ACAN: variants seen among roughly 807,000 people sequenced by gnomAD.
The protein encoded by ACAN is aggrecan core protein.
ACAN carries 47 observed loss-of-function variants against 169.1 expected under a neutral mutation model. The ratio of observed to expected loss-of-function variants is 0.28; its 90% CI spans 0.22 to 0.35. The LOEUF (loss-of-function observed/expected upper bound fraction) is 0.35, where lower values mean the gene tolerates loss of function less well. Ranked by LOEUF, ACAN falls within the 10% of genes least tolerant of loss-of-function variation. The probability of loss-of-function intolerance (pLI) is 1.00; values close to 1 mark genes in which losing one functional copy is unlikely to be tolerated. For synonymous variants in ACAN, 1,115 were observed against 1,112.2 expected, an observed-to-expected ratio of 1.00 and a Z score of -0.05; for missense variants, 2,716 against 2,759.9, an observed-to-expected ratio of 0.98 and a Z score of 0.36.
rs758371121 is a variant in ACAN, at chr15:88,840,016, C to G, written c.459C>G (p.Ile153Met). Residue 153 changes from isoleucine (I) to methionine (M), a missense_variant, in exon 4 of 19, where the codon ATC (isoleucine) becomes ATG (methionine). By Grantham distance (10) the Ile-to-Met change is conservative (BLOSUM62 1). This residue lies in a region of ACAN where 1,283 missense variants were observed against 1,281.5 expected (regional missense o/e 1.00). Transcript: ENST00000560601. ...EATLEVVVKG[I>M]VFHYRAISTR... ...GGGCGTGTATGTGTCTTGCAGGCAT[C>G]GTGTTCCATTACAGAGCCATCTCTA... The G allele has an allele frequency of 2.5e-6, 4 of 1,598,380 alleles. No individual in the cohort carries two copies. The highest frequency in any genetic ancestry group is 2.3e-5 in the South Asian group (2 of 88,220).
At position 88,870,922 on chromosome 15, in the gene ACAN, G is replaced by A. The variant is rs547903861; in HGVS notation, c.7061-460G>A. Among the ~76,000 whole-genome samples the A allele has an allele frequency of 9.2e-5, 14 of 152,196 alleles. No individual in the cohort carries two copies. Among genetic ancestry groups the A allele is most frequent in the South Asian group, 4.1e-4 (2 of 4,824 alleles). ...CTGCAGGAAGGAAACTGCCAGCTCC[G>A]CTCCATGCCCCAGCGCTACCAGCTT... On this transcript the variant is annotated intron_variant, in intron 14 of 18. Coordinates refer to ENST00000560601, the MANE Select transcript of ACAN (RefSeq NM_001369268.1). The surrounding 1 kb of genome is among the most constrained non-coding windows in gnomAD (Gnocchi z 6.3).
rs939133572 is a variant in ACAN at position 88,859,339 on chromosome 15, G to A, written c.6754G>A (p.Glu2252Lys). 5.0e-6 allele frequency: 8 copies of A among 1,602,896 alleles called. No homozygotes were observed. The African/African-American group carries it at 5.4e-5, about 11-fold the overall frequency. Residue 2252 changes from glutamate (E) to lysine (K), a missense_variant, in exon 12 of 19, where the codon GAA becomes AAA. Physicochemically the swap from Glu to Lys is moderately conservative, Grantham distance 56. Coordinates refer to ENST00000560601, the MANE Select transcript of ACAN (RefSeq NM_001369268.1). ...CTCAGGAGAAGAGACTCACACAGTCGAAACAGCCACCTCCCCAACAGATGC... is the reference window on the plus strand; with the variant it reads ...CTCAGGAGAAGAGACTCACACAGTCAAAACAGCCACCTCCCCAACAGATGC... ...LYSGEETHTV[E>K]TATSPTDASI...
At position 88,872,659 on chromosome 15, in the gene ACAN, C is replaced by T. The variant is rs1442321745; in HGVS notation, c.7303-222C>T. On this transcript the variant is annotated intron_variant, in intron 16 of 18. Transcript: ENST00000560601. This position sits in a 1 kb window ranked among gnomAD's most constrained non-coding sequence, Gnocchi z 5.4. The stretch of plus-strand genomic sequence containing the variant: ...TCTGAGCTCCTGAGAAGGACCTGAG[C>T]CAAGCTGTGTGACTGATTCCCTAGA... 1.3e-5 allele frequency among the ~76,000 whole-genome samples: 2 copies of T among 152,104 alleles called. No homozygotes were observed. The highest frequency in any genetic ancestry group is 2.9e-5 in the Non-Finnish European group (2 of 68,024).
intron 1 of ACAN, among the ~76,000 whole-genome samples, chr15:88,805,928 G>C (rs1000533524): frequency 2.6e-5 from 4 of 152,154 alleles, no homozygotes; most frequent in Admixed American, 6.6e-5. Context: ...CCAAGGCAGA[G>C]CGTTCTCCTC....
At chr15:88,840,314 A>G (rs1195516294) in intron 4 of ACAN, 128 bp downstream of exon 4, 5 of 1,216,188 alleles carry the variant, frequency 4.1e-6, no homozygotes, top group Non-Finnish European at 5.5e-6. Context: ...AGCCTAGGTT[A>G]GAGGCCGTGG....
Position 88,849,936 on chromosome 15 carries a change from G to A in ACAN, c.2026+205G>A. Reference sequence around the variant, plus strand: ...TCCTTCTAAAGTTCCCCAGAGACAAGTAGAGATAAATAAGAACTTGAGCTG... The same window carrying A: ...TCCTTCTAAAGTTCCCCAGAGACAAATAGAGATAAATAAGAACTTGAGCTG... On this transcript the variant is annotated intron_variant, in intron 10 of 18. Coordinates refer to ENST00000560601, the MANE Select transcript of ACAN (RefSeq NM_001369268.1). The surrounding 1 kb of genome is among the most constrained non-coding windows in gnomAD (Gnocchi z 5.1). 1.4e-6 allele frequency: 1 copy of A among 733,230 alleles called. No homozygotes were observed. 45.4% of individuals were successfully genotyped at this position (733,230 alleles called of 1,614,324 possible).
In ACAN at chr15:88,857,185, G is replaced by T; in HGVS notation, c.4600G>T (p.Val1534Phe). 1 of 1,613,858 alleles carries T rather than the reference G, an allele frequency of 6.2e-7. No homozygotes were observed. Among genetic ancestry groups the T allele is most frequent in the Non-Finnish European group, 8.5e-7 (1 of 1,179,844 alleles). The change falls in exon 12 of 19, where the codon GTT becomes TTT. Residue 1534 changes from valine to phenylalanine, a missense_variant. By Grantham distance (50) the Val-to-Phe change is conservative. Transcript: ENST00000560601. ...CAGCAGGCTCCCTTCTGGAGAAGAA[G>T]TTCTAGAGATTTCTGCCTCTGGATT... ...DLSRLPSGEE[V>F]LEISASGFGD...
rs1897136684 is a variant in ACAN, at chr15:88,859,097, C to G, written c.6512C>G (p.Ser2171Cys). 1.9e-6 allele frequency: 3 copies of G among 1,613,854 alleles called. No homozygotes were observed. In the South Asian group the frequency reaches 3.3e-5, roughly 18 times the overall value. ...ASAAPEVSGE[S>C]TTTSDVGTEA... ...GCTGCCCCAGAAGTGAGTGGAGAAT[C>G]CACCACCACCAGTGATGTGGGGACA... is the stretch of plus-strand genomic sequence containing the variant. The change falls in exon 12 of 19, where the codon TCC becomes TGC. Residue 2171 changes from serine to cysteine, a missense_variant. Physicochemically the swap from Ser to Cys is moderately radical, Grantham distance 112 (BLOSUM62 -1). Transcript: ENST00000560601.
In ACAN at chr15:88,872,508, C is replaced by A. The variant is rs1464510295; in HGVS notation, c.7303-373C>A. 1.3e-5 allele frequency among the ~76,000 whole-genome samples: 2 copies of A among 152,078 alleles called. No homozygotes were observed. Among genetic ancestry groups the A allele is most frequent in the Non-Finnish European group, 2.9e-5 (2 of 68,008 alleles). On this transcript the variant is annotated intron_variant, in intron 16 of 18. Coordinates refer to ENST00000560601, the MANE Select transcript of ACAN (RefSeq NM_001369268.1). The surrounding 1 kb of genome is among the most constrained non-coding windows in gnomAD (Gnocchi z 5.4). The stretch of plus-strand genomic sequence containing the variant: ...AGTCTTGGGAGGACTTCTTGGTGGG[C>A]AGAAGCTGGACTTAAGAGCTGTGTT...
intron 12 of ACAN, among the ~76,000 whole-genome samples, chr15:88,859,742 C>T (rs994865149): frequency 2.0e-5 from 3 of 152,214 alleles, no homozygotes; most frequent in African/African-American, 2.4e-5. Flanking sequence ...AGTTTTTACA[C>T]GTGAATTCAA....
rs535207669 is a variant in ACAN at position 88,872,176 on chromosome 15, A to T, written c.7302+91A>T. On this transcript the variant is annotated intron_variant, in intron 16 of 18. Coordinates refer to ENST00000560601, the MANE Select transcript of ACAN (RefSeq NM_001369268.1). This position sits in a 1 kb window ranked among gnomAD's most constrained non-coding sequence, Gnocchi z 5.4. ...AGAGATGCATTCAAACCCCATGCAG[A>T]CAGCCGCTTACCAGCTGCTGGACCG... 202 of 1,110,844 alleles carry T rather than the reference A, an allele frequency of 1.8e-4. No homozygotes were observed. The African/African-American group carries it at 2.4e-3, about 13-fold the overall frequency. The allele number at this position is 1,110,844 out of a possible 1,614,324, so 68.8% of individuals were successfully genotyped here. A position where few individuals can be genotyped will look rare whatever the true frequency, so the allele number is the denominator to read the frequency against.
chr15:88,842,933 G>C (rs201606626), intron 5 of ACAN, among the ~76,000 whole-genome samples: 61 of 152,270 alleles, frequency 4.0e-4, no homozygotes, highest in African/African-American at 1.3e-3. Flanking sequence ...TGCTCCAAGG[G>C]CTCAAGGTCT....
chr15:88,825,160 A>G (rs1174299729), intron 1 of ACAN, among the ~76,000 whole-genome samples: 1 of 152,170 alleles, frequency 6.6e-6, no homozygotes, highest in African/African-American at 2.4e-5. Flanking sequence ...AGCGGATCAC[A>G]TGGGGCCTCA....
chr15:88,831,475 G>A (rs1896362204), intron 1 of ACAN, among the ~76,000 whole-genome samples: 2 of 152,242 alleles, frequency 1.3e-5, no homozygotes, highest in South Asian at 4.1e-4. Context: ...CAAGGCCTAG[G>A]GTTGAAGGAG....
At chr15:88,831,772 G>A (rs1379854829) in intron 1 of ACAN, among the ~76,000 whole-genome samples, 2 of 152,302 alleles carry the variant, frequency 1.3e-5, no homozygotes, top group South Asian at 2.1e-4. Flanking sequence ...TAGGCTTGAT[G>A]TTCACTAAGG....
In ACAN at chr15:88,858,667, G is replaced by C. The variant is rs780573868; in HGVS notation, c.6082G>C (p.Ala2028Pro). 6.2e-7 allele frequency: 1 copy of C among 1,613,970 alleles called. No homozygotes were observed. Among genetic ancestry groups the C allele is most frequent in the South Asian group, 1.1e-5 (1 of 91,082 alleles). ...SSVAMGTSGEASGLPEVTLIT... is the reference protein window; with the variant it reads ...SSVAMGTSGEPSGLPEVTLIT... ...TGTAGCCATGGGCACCAGTGGAGAG[G>C]CCTCAGGACTTCCAGAAGTTACTTT... Residue 2028 changes from alanine (A) to proline (P), a missense_variant, in exon 12 of 19, where the codon GCC becomes CCC. Transcript: ENST00000560601. The surrounding 1 kb of genome is among the most constrained non-coding windows in gnomAD (Gnocchi z 4.0).
chr15:88,825,035 A>G (rs138431519), intron 1 of ACAN, among the ~76,000 whole-genome samples: 2,006 of 152,300 alleles, frequency 0.013, 21 homozygotes, highest in Middle Eastern at 0.024. Flanking sequence ...TGTGTGCTGG[A>G]AGAAGAAAGA....
chr15:88,874,167 A>G lies in ACAN; in HGVS notation c.7630+143A>G. On this transcript the variant is annotated intron_variant, in intron 18 of 18. Transcript: ENST00000560601. This position sits in a 1 kb window ranked among gnomAD's most constrained non-coding sequence, Gnocchi z 7.3. Reference sequence around the variant, plus strand: ...AGGTCGGGGGGCTGCTCAGTCACAAATAGCTGACCACTGCCCTTAGAAGGG... The same window carrying G: ...AGGTCGGGGGGCTGCTCAGTCACAAGTAGCTGACCACTGCCCTTAGAAGGG... 1.7e-6 allele frequency: 2 copies of G among 1,195,812 alleles called. No homozygotes were observed. The highest frequency in any genetic ancestry group is 2.4e-6 in the Non-Finnish European group (2 of 838,542). The allele number at this position is 1,195,812 out of a possible 1,614,324, so 74.1% of individuals were successfully genotyped here. A position where few individuals can be genotyped will look rare whatever the true frequency, so the allele number is the denominator to read the frequency against.
At chr15:88,815,656 TAAAAAAAAAA>T (rs58267198) in intron 1 of ACAN, among the ~76,000 whole-genome samples, 5 of 54,182 alleles carry the variant, frequency 9.2e-5, no homozygotes, top group Non-Finnish European at 1.6e-4. Flanking sequence ...CTGCACTGAT[TAAAAAAAAAA>T]AAAAAAAAAA....
Sources: allele counts gnomAD v4.1 joint callset (sites outside exome capture counted in the v4.1 genomes callset), GRCh38; gene constraint gnomAD v4.1.1; regional missense constraint gnomAD v4.1.1; non-coding constraint Gnocchi (gnomAD v3.1); transcripts MANE v1.5; gene names NCBI Gene and HGNC (gene_info 2026-07-23, HGNC 2026-07-21).